C5orf24: variants seen among roughly 807,000 people sequenced by gnomAD.
C5orf24 encodes UPF0461 protein C5orf24.
A neutral mutation model predicts 9.8 loss-of-function variants in C5orf24; 4 were observed. The ratio of observed to expected loss-of-function variants is 0.41; its 90% CI spans 0.20 to 0.93. The LOEUF is 0.93. Among genes scored for constraint, C5orf24 ranks in the 40% least tolerant of loss-of-function variants. The probability of loss-of-function intolerance (pLI) is 0.33; values close to 1 mark genes in which losing one functional copy is unlikely to be tolerated. For synonymous variants in C5orf24, 73 were observed against 81.3 expected (o/e 0.90, Z 0.55); for missense variants, 170 against 236.9 (o/e 0.72, Z 1.85).
chr5:134,838,409 G>A, the C5orf24 span, among the ~76,000 whole-genome samples: 1 of 152,136 alleles, frequency 6.6e-6, no homozygotes, highest in African/African-American at 2.4e-5. Flanking sequence ...GGTGGCTCAC[G>A]CCTGTAATCC....
chr5:134,842,864 C>T (rs983885354), upstream of C5orf24, among the ~76,000 whole-genome samples: 1 of 152,286 alleles, frequency 6.6e-6, no homozygotes, highest in South Asian at 2.1e-4. Flanking sequence ...CTGTAGCCAC[C>T]ACAGCTTCTA....
rs1191311474 is a variant in C5orf24 at position 134,859,003 on chromosome 5, C to A, written c.*3536C>A. The A allele has an allele frequency of 1.2e-5, 2 of 166,200 alleles. No individual in the cohort carries two copies. The highest frequency in any genetic ancestry group is 2.9e-5 in the Non-Finnish European group (2 of 67,942). 10.3% of individuals were successfully genotyped at this position (166,200 alleles called of 1,614,324 possible). A position where few individuals can be genotyped will look rare whatever the true frequency, so the allele number is the denominator to read the frequency against. On this transcript the variant is annotated 3_prime_UTR_variant, in exon 2 of 2. Transcript: ENST00000394976. ...TTTTCATGAACTAAGAATAGAGTTTCTTTGAGTTGAGGAGAAAAAAATATA... is the reference window on the plus strand; with the variant it reads ...TTTTCATGAACTAAGAATAGAGTTTATTTGAGTTGAGGAGAAAAAAATATA...
At chr5:134,836,037 C>T in the C5orf24 span, among the ~76,000 whole-genome samples, 1 of 151,788 alleles carries the variant, frequency 6.6e-6, no homozygotes, top group African/African-American at 2.4e-5. Flanking sequence ...ATAAAAAACT[C>T]ACAACCCATA....
chr5:134,857,577 C>A lies in C5orf24; in HGVS notation c.*2110C>A. The stretch of plus-strand genomic sequence containing the variant: ...TAACATTCTGGCAGCTAAATTGCTA[C>A]AAGAGCTTTTTCTTGCAAAAGCTTA... On this transcript the variant is annotated 3_prime_UTR_variant, in exon 2 of 2. Coordinates refer to ENST00000394976, the MANE Select transcript of C5orf24 (RefSeq NM_001135586.1). The A allele has an allele frequency of 1.3e-6, 1 of 779,052 alleles. No individual in the cohort carries two copies. The highest frequency in any genetic ancestry group is 1.8e-6 in the Non-Finnish European group (1 of 551,190). The allele number at this position is 779,052 out of a possible 1,614,324, so 48.3% of individuals were successfully genotyped here.
At position 134,855,397 on chromosome 5, in the gene C5orf24, C is replaced by A; in HGVS notation, c.497C>A (p.Pro166His). 2 of 1,614,182 alleles carry A rather than the reference C, an allele frequency of 1.2e-6. No individual in the cohort carries two copies. The highest frequency in any genetic ancestry group is 1.7e-5 in the Admixed American group (1 of 60,010). The change falls in exon 2 of 2, where the codon CCT becomes CAT. Residue 166 changes from proline to histidine, a missense_variant. By Grantham distance (77) the Pro-to-His change is moderately conservative. Transcript: ENST00000394976. ...YGCGTAAFPY[P>H]MMHGRAVHGV... is the part of the protein sequence containing the mutation. Reference sequence around the variant, plus strand: ...TGTGGCACTGCTGCTTTTCCTTACCCTATGATGCATGGCAGAGCAGTTCAT... The same window carrying A: ...TGTGGCACTGCTGCTTTTCCTTACCATATGATGCATGGCAGAGCAGTTCAT...
At chr5:134,838,331 T>C in the C5orf24 span, among the ~76,000 whole-genome samples, 4 of 152,232 alleles carry the variant, frequency 2.6e-5, no homozygotes, top group East Asian at 7.7e-4. Flanking sequence ...ATGTATACTT[T>C]TGAAGAAAAA....
intron 1 of C5orf24, among the ~76,000 whole-genome samples, chr5:134,851,083 A>C (rs558357490): frequency 6.6e-6 from 1 of 150,456 alleles, no homozygotes; most frequent in South Asian, 2.1e-4. Flanking sequence ...TCCCCCACAA[A>C]ATTTTTGTAA....
In C5orf24 at chr5:134,855,788, AC is replaced by A; in HGVS notation, c.*322del. The A allele has an allele frequency of 8.4e-7, 1 of 1,189,644 alleles. No individual in the cohort carries two copies. The allele number at this position is 1,189,644 out of a possible 1,614,324, so 73.7% of individuals were successfully genotyped here. A position where few individuals can be genotyped will look rare whatever the true frequency, so the allele number is the denominator to read the frequency against. Reference sequence around the variant, plus strand: ...TCTAAATAGATGCTTTATGTGATAAACAACTGAAACCATTATACCTATTAGT... The same window carrying A: ...TCTAAATAGATGCTTTATGTGATAAAAACTGAAACCATTATACCTATTAGT... On this transcript the variant is annotated 3_prime_UTR_variant, in exon 2 of 2. Transcript: ENST00000394976.
chr5:134,835,061 G>GC, the C5orf24 span, among the ~76,000 whole-genome samples: 3 of 151,246 alleles, frequency 2.0e-5, no homozygotes, highest in East Asian at 5.8e-4. Context: ...AAAAAAATTA[G>GC]CCGGCGTGGT....
At chr5:134,840,227 A>C in the C5orf24 span, among the ~76,000 whole-genome samples, 1 of 149,446 alleles carries the variant, frequency 6.7e-6, no homozygotes, top group Non-Finnish European at 1.5e-5. Flanking sequence ...GAATCGCTTG[A>C]ACCCGGGAGG....
intron 1 of C5orf24, among the ~76,000 whole-genome samples, chr5:134,849,362 T>C (rs1756091065): frequency 6.6e-6 from 1 of 152,296 alleles, no homozygotes; most frequent in Middle Eastern, 3.4e-3. Context: ...TATATAAACA[T>C]AAATATGCTG....
In C5orf24 at chr5:134,857,190, G is replaced by T; in HGVS notation, c.*1723G>T. The T allele has an allele frequency of 7.8e-7, 1 of 1,281,808 alleles. No homozygotes were observed. The highest frequency in any genetic ancestry group is 1.0e-6 in the Non-Finnish European group (1 of 1,003,766). 79.4% of individuals were successfully genotyped at this position (1,281,808 alleles called of 1,614,324 possible). Reference sequence around the variant, plus strand: ...ACTTAACTTTAAAGTTACAATGTTTGTATTTGGGATTTTAAATGCCTTTGA... The same window carrying T: ...ACTTAACTTTAAAGTTACAATGTTTTTATTTGGGATTTTAAATGCCTTTGA... On this transcript the variant is annotated 3_prime_UTR_variant, in exon 2 of 2. Transcript: ENST00000394976.
chr5:134,852,461 G>C (rs1756183557), intron 1 of C5orf24, among the ~76,000 whole-genome samples: 1 of 152,188 alleles, frequency 6.6e-6, no homozygotes, highest in Non-Finnish European at 1.5e-5. Context: ...AACAGAATTT[G>C]ATTCTGTGAC....
At chr5:134,853,528 C>CTTTT (rs773207000) in intron 1 of C5orf24, among the ~76,000 whole-genome samples, 91 of 104,210 alleles carry the variant, frequency 8.7e-4, no homozygotes, top group Non-Finnish European at 9.8e-4. Flanking sequence ...TCTTCTTCTT[C>CTTTT]TTTTTTTTTT....
intron 1 of C5orf24, among the ~76,000 whole-genome samples, chr5:134,850,994 A>ATTTATTTATT: frequency 6.8e-6 from 1 of 147,600 alleles, no homozygotes; most frequent in South Asian, 2.1e-4. Context: ...AGAAATACAT[A>ATTTATTTATT]TATTTATTTA....
rs748872101 is a variant in C5orf24, at chr5:134,857,329, A to G, written c.*1862A>G. On this transcript the variant is annotated 3_prime_UTR_variant, in exon 2 of 2. Coordinates refer to ENST00000394976, the MANE Select transcript of C5orf24 (RefSeq NM_001135586.1). ...TAATGCAAACTCTGATTGCAAATGG[A>G]TGTCATGTTTCATACCTTTTTTATC... 1.3e-6 allele frequency: 2 copies of G among 1,541,154 alleles called. No individual in the cohort carries two copies. Among genetic ancestry groups the G allele is most frequent in the Non-Finnish European group, 1.8e-6 (2 of 1,141,014 alleles).
chr5:134,854,262 C>CA (rs1470888296), intron 1 of C5orf24, among the ~76,000 whole-genome samples: 1 of 152,064 alleles, frequency 6.6e-6, no homozygotes, highest in East Asian at 1.9e-4. Flanking sequence ...TACCTTGGGC[C>CA]AAGAGATTGT....
chr5:134,854,048 C>T (rs922582636), intron 1 of C5orf24, among the ~76,000 whole-genome samples: 5 of 152,132 alleles, frequency 3.3e-5, no homozygotes, highest in Admixed American at 1.3e-4. Context: ...TCACTGCACT[C>T]CAGCCTGGGT....
At position 134,855,108 on chromosome 5, in the gene C5orf24, A is replaced by C. The variant is rs746715843; in HGVS notation, c.208A>C (p.Arg70=). The change falls in exon 2 of 2, where the codon AGA becomes CGA. Residue 70 remains arginine (R), a synonymous_variant. Transcript: ENST00000394976. ...AACACACTTGCAGACTACAAGTGGC[A>C]GAAGCATAGAAATAAAAGATGAACT... ...NETHLQTTSG[R]SIEIKDELKK... 3 of 1,614,174 alleles carry C rather than the reference A, an allele frequency of 1.9e-6. No homozygotes were observed. The South Asian group carries it at 3.3e-5, about 18-fold the overall frequency.
Sources: allele counts gnomAD v4.1 joint callset (sites outside exome capture counted in the v4.1 genomes callset), GRCh38; gene constraint gnomAD v4.1.1; transcripts MANE v1.5; gene names NCBI Gene and HGNC (gene_info 2026-07-23, HGNC 2026-07-21).